RALGPS2: variants seen among roughly 807,000 people sequenced by gnomAD.
RALGPS2 encodes Ral GEF with PH domain and SH3 binding motif 2.
A neutral mutation model predicts 86.8 loss-of-function variants in RALGPS2; 43 were observed. The ratio of observed to expected loss-of-function variants is 0.50; its 90% CI spans 0.39 to 0.64. RALGPS2 has a LOEUF of 0.64. RALGPS2 is among the 30% of genes least tolerant of loss of function. The pLI, the probability that RALGPS2 is intolerant of heterozygous loss-of-function variation, is 0.00. For missense variants in RALGPS2, 536 were observed against 694.6 expected (o/e 0.77, Z 2.57); for synonymous variants, 243 against 231.3 (o/e 1.05, Z -0.46).
intron 1 of RALGPS2, among the ~76,000 whole-genome samples, chr1:178,749,295 T>G (rs1651518208): frequency 1.3e-5 from 2 of 152,174 alleles, no homozygotes; most frequent in Admixed American, 1.3e-4. Flanking sequence ...GAGACCAGCC[T>G]GGCTAACATG....
chr1:178,851,028 G>T, intron 8 of RALGPS2: 3 of 1,133,344 alleles, frequency 2.6e-6, no homozygotes, highest in African/African-American at 1.6e-5. Flanking sequence ...AACTTTCTGT[G>T]TAGAAATAAA....
chr1:178,830,557 C>A (rs996424344), intron 7 of RALGPS2, among the ~76,000 whole-genome samples: 1 of 152,094 alleles, frequency 6.6e-6, no homozygotes, highest in Non-Finnish European at 1.5e-5. Flanking sequence ...AGGCCCCTTG[C>A]GCCATTCACA....
At chr1:178,915,471 G>A (rs1294458185) in intron 19 of RALGPS2, among the ~76,000 whole-genome samples, 1 of 152,210 alleles carries the variant, frequency 6.6e-6, no homozygotes, top group Non-Finnish European at 1.5e-5. Context: ...CTGACCTCAG[G>A]TGATCTGCCT....
intron 8 of RALGPS2, chr1:178,865,858 A>T (rs187765811): frequency 1.9e-6 from 2 of 1,075,742 alleles, no homozygotes; most frequent in African/African-American, 3.2e-5. Context: ...ATATTAATCT[A>T]TGTTAAAGTC....
At chr1:178,837,862 T>C (rs1656357741) in intron 8 of RALGPS2, among the ~76,000 whole-genome samples, 1 of 152,124 alleles carries the variant, frequency 6.6e-6, no homozygotes, top group South Asian at 2.1e-4. Context: ...TCTTAGCAAA[T>C]GGCACACCAG....
intron 1 of RALGPS2, among the ~76,000 whole-genome samples, chr1:178,763,699 C>T (rs1652359962): frequency 6.6e-6 from 1 of 152,060 alleles, no homozygotes; most frequent in African/African-American, 2.4e-5. Flanking sequence ...GTACTTTCTT[C>T]TCATTAGTTT....
chr1:178,758,588 C>T (rs981247991), intron 1 of RALGPS2, among the ~76,000 whole-genome samples: 10 of 152,100 alleles, frequency 6.6e-5, no homozygotes, highest in African/African-American at 2.4e-4. Context: ...AACCATCCTT[C>T]TCTCTGTCTC....
chr1:178,753,986 C>T (rs1328059577), intron 1 of RALGPS2, among the ~76,000 whole-genome samples: 1 of 152,008 alleles, frequency 6.6e-6, no homozygotes, highest in African/African-American at 2.4e-5. Flanking sequence ...CGCCCGCCAC[C>T]ACGCCCGGCT....
chr1:178,819,528 A>T (rs956225549), intron 6 of RALGPS2, among the ~76,000 whole-genome samples: 1 of 152,146 alleles, frequency 6.6e-6, no homozygotes, highest in Non-Finnish European at 1.5e-5. Flanking sequence ...GCCCTGGGCA[A>T]TGTGTCCCAT....
Position 178,902,097 on chromosome 1 carries a change from TTC to T in RALGPS2, c.1525-4_1525-3del. ...TTCTGTTTCCGCTAATTATCTTTTT[TTC>T]TCTCAGTTCAAATCAACATCCAATA... On this transcript the variant is annotated splice_region_variant and splice_polypyrimidine_tract_variant and intron_variant, in intron 17 of 19. Coordinates refer to ENST00000367635, the MANE Select transcript of RALGPS2 (RefSeq NM_152663.5). 1 of 1,601,054 alleles carries T rather than the reference TTC, an allele frequency of 6.2e-7. No homozygotes were observed.
intron 8 of RALGPS2, among the ~76,000 whole-genome samples, chr1:178,855,462 C>G (rs1457850949): frequency 1.3e-5 from 2 of 151,768 alleles, no homozygotes; most frequent in Non-Finnish European, 2.9e-5. Context: ...TATTATAGTT[C>G]ATTGATATTT....
chr1:178,845,043 G>A, intron 8 of RALGPS2, among the ~76,000 whole-genome samples: 1 of 151,230 alleles, frequency 6.6e-6, no homozygotes, highest in Non-Finnish European at 1.5e-5. Flanking sequence ...TTAGCTGGGT[G>A]TGGTGGCACA....
chr1:178,851,442 G>T, intron 8 of RALGPS2: 1 of 843,526 alleles, frequency 1.2e-6, no homozygotes, highest in South Asian at 3.1e-5. Context: ...CTTTATCTCA[G>T]CAGTTTTAAA....
intron 7 of RALGPS2, among the ~76,000 whole-genome samples, chr1:178,824,834 A>G (rs1038829344): frequency 1.3e-5 from 2 of 151,858 alleles, no homozygotes. Context: ...AAAAGAAAAG[A>G]TAGTTTATCC....
intron 4 of RALGPS2, among the ~76,000 whole-genome samples, chr1:178,788,110 A>G (rs1306694823): frequency 2.0e-5 from 3 of 151,890 alleles, no homozygotes; most frequent in African/African-American, 7.3e-5. Flanking sequence ...CCCTCTCACC[A>G]CTGAGCCTGT....
At chr1:178,819,828 A>G in intron 6 of RALGPS2, among the ~76,000 whole-genome samples, 1 of 152,170 alleles carries the variant, frequency 6.6e-6, no homozygotes, top group East Asian at 1.9e-4. Context: ...ACACTAATGT[A>G]TCAGATCCTT....
At chr1:178,779,657 C>G (rs958216759) in intron 2 of RALGPS2, among the ~76,000 whole-genome samples, 2 of 152,174 alleles carry the variant, frequency 1.3e-5, no homozygotes, top group Admixed American at 1.3e-4. Context: ...GAAAATAGTC[C>G]AAGCCTTTTC....
Position 178,824,726 on chromosome 1 carries a change from G to A in RALGPS2, c.480+3022G>A, listed in dbSNP as rs1005443682. Among the ~76,000 whole-genome samples the A allele has an allele frequency of 3.9e-5, 6 of 152,112 alleles. No individual in the cohort carries two copies. In the South Asian group the frequency reaches 8.3e-4, roughly 21 times the overall value. ...CTGGAGGCTGAGGCAGGAGAATGGC[G>A]TGAACCCAGGAGGCGGAGCTTGCAG... On this transcript the variant is annotated intron_variant, in intron 7 of 19. Coordinates refer to ENST00000367635, the MANE Select transcript of RALGPS2 (RefSeq NM_152663.5).
chr1:178,729,151 C>CT (rs910596421), intron 1 of RALGPS2, among the ~76,000 whole-genome samples: 5 of 151,830 alleles, frequency 3.3e-5, no homozygotes, highest in Non-Finnish European at 7.4e-5. Context: ...CTTACATGAC[C>CT]TTTTTTTTCA....
Sources: allele counts gnomAD v4.1 joint callset (sites outside exome capture counted in the v4.1 genomes callset), GRCh38; gene constraint gnomAD v4.1.1; transcripts MANE v1.5; gene names NCBI Gene and HGNC (gene_info 2026-07-23, HGNC 2026-07-21).